Variants in MED26 observed in about 807,000 individuals in gnomAD.
MED26 encodes the protein mediator of RNA polymerase II transcription subunit 26.
A neutral mutation model predicts 43.7 loss-of-function variants in MED26; 7 were observed. The observed-to-expected ratio is 0.16, with a 90% CI of 0.09 to 0.30. The LOEUF (loss-of-function observed/expected upper bound fraction) is 0.30, where lower values mean the gene tolerates loss of function less well. Among genes scored for constraint, MED26 ranks in the 10% least tolerant of loss-of-function variants. MED26 has a pLI of 1.00. For synonymous variants in MED26, 375 were observed against 371.1 expected, an observed-to-expected ratio of 1.01 and a Z score of -0.12; for missense variants, 784 against 840.6, an observed-to-expected ratio of 0.93 and a Z score of 0.83.
At chr19:16,627,336 G>A (rs963605402) in intron 1 of MED26, among the ~76,000 whole-genome samples, 2 of 152,186 alleles carry the variant, frequency 1.3e-5, no homozygotes. Flanking sequence ...CCCGGCCAGG[G>A]GCAAAACAGA....
intron 1 of MED26, among the ~76,000 whole-genome samples, chr19:16,608,206 G>A (rs1182168901): frequency 2.0e-5 from 3 of 152,256 alleles, no homozygotes; most frequent in African/African-American, 7.2e-5. Context: ...TTTACTGAGA[G>A]AGCAAGCCCG....
At chr19:16,604,229 G>A (rs936927819) in intron 1 of MED26, among the ~76,000 whole-genome samples, 1 of 152,136 alleles carries the variant, frequency 6.6e-6, no homozygotes. Context: ...TGCCCTGTGT[G>A]CCAGAACTGA....
rs532061062 is a variant in MED26 at position 16,591,344 on chromosome 19, T to G, written c.73-12935A>C. On this transcript the variant is annotated intron_variant, in intron 1 of 2. Transcript: ENST00000263390. Reference sequence around the variant, plus strand: ...AAGGACTGAAAGATACACTTGAGAATGCACACAATGCACTCCCCATCTCAG... The same window carrying G: ...AAGGACTGAAAGATACACTTGAGAAGGCACACAATGCACTCCCCATCTCAG... Among the ~76,000 whole-genome samples, 7 of 151,618 alleles carry G rather than the reference T, an allele frequency of 4.6e-5. No homozygotes were observed. In the South Asian group the frequency reaches 1.2e-3, roughly 27 times the overall value.
intron 1 of MED26, among the ~76,000 whole-genome samples, chr19:16,590,838 G>A (rs2086092391): frequency 6.6e-6 from 1 of 152,016 alleles, no homozygotes; most frequent in South Asian, 2.1e-4. Flanking sequence ...AGGAGTTTGA[G>A]ACCAGCCTGG....
intron 1 of MED26, among the ~76,000 whole-genome samples, chr19:16,608,716 C>G (rs559599779): frequency 6.6e-6 from 1 of 152,342 alleles, no homozygotes; most frequent in African/African-American, 2.4e-5. Flanking sequence ...CTCATTCACT[C>G]ACATACTGTC....
At chr19:16,611,350 T>A (rs2086198515) in intron 1 of MED26, 1 of 152,174 alleles carries the variant, frequency 6.6e-6, no homozygotes. Flanking sequence ...ACATGACTGG[T>A]GGCCTTGACT....
chr19:16,605,970 G>A (rs913709906), intron 1 of MED26, among the ~76,000 whole-genome samples: 7 of 152,234 alleles, frequency 4.6e-5, no homozygotes, highest in African/African-American at 1.4e-4. Flanking sequence ...TGGCAAATCT[G>A]TCATCCAGAC....
At chr19:16,623,103 T>C (rs1434339992) in intron 1 of MED26, among the ~76,000 whole-genome samples, 1 of 152,130 alleles carries the variant, frequency 6.6e-6, no homozygotes, top group Non-Finnish European at 1.5e-5. Context: ...CAGGACAACA[T>C]ATTCTGAGGA....
chr19:16,597,522 T>A, intron 1 of MED26: 1 of 398,432 alleles, frequency 2.5e-6, no homozygotes, highest in Non-Finnish European at 4.4e-6. Context: ...TGGGTGAGCA[T>A]CAGGTTAAGT....
intron 1 of MED26, chr19:16,589,086 C>T (rs2086084393): frequency 6.6e-6 from 1 of 152,518 alleles, no homozygotes; most frequent in Admixed American, 6.5e-5. Flanking sequence ...CAGGGGAGGA[C>T]TACACTTGGC....
At chr19:16,579,132 C>T (rs1206897057) in intron 1 of MED26, among the ~76,000 whole-genome samples, 1 of 151,938 alleles carries the variant, frequency 6.6e-6, no homozygotes, top group East Asian at 1.9e-4. Flanking sequence ...AATGATAAAC[C>T]AGTCAATCTG....
chr19:16,588,146 T>C (rs2086079505), intron 1 of MED26: 1 of 152,228 alleles, frequency 6.6e-6, no homozygotes, highest in African/African-American at 2.4e-5. Flanking sequence ...GTAAATTGAC[T>C]CGTTGCTACG....
chr19:16,608,797 A>G (rs528344217), intron 1 of MED26, among the ~76,000 whole-genome samples: 1 of 152,344 alleles, frequency 6.6e-6, no homozygotes, highest in East Asian at 1.9e-4. Flanking sequence ...TGCAAAGATG[A>G]AAATATTTAC....
chr19:16,588,522 G>A (rs2086081494), intron 1 of MED26: 1 of 152,354 alleles, frequency 6.6e-6, no homozygotes, highest in Admixed American at 6.5e-5. Context: ...AGCTGTAGCA[G>A]GGGACCGCAC....
chr19:16,592,245 T>A (rs1448226878), intron 1 of MED26, among the ~76,000 whole-genome samples: 1 of 152,174 alleles, frequency 6.6e-6, no homozygotes, highest in Admixed American at 6.5e-5. Flanking sequence ...CTGTAAACCC[T>A]GAGGGGGTGT....
chr19:16,628,169 C>CGCT lies in MED26; in HGVS notation c.-229_-227dup, dbSNP rs974209386. On this transcript the variant is annotated 5_prime_UTR_variant, in exon 1 of 3. Coordinates refer to ENST00000263390, the MANE Select transcript of MED26 (RefSeq NM_004831.5). The stretch of plus-strand genomic sequence containing the variant: ...GAGGAGGAGCCGCCGGAGCCGCCGC[C>CGCT]GCTCGCTGCCGCCGCCTCGAGAACC... The CGCT allele has an allele frequency of 1.1e-5, 4 of 357,372 alleles. No individual in the cohort carries two copies. In the Admixed American group the frequency reaches 1.9e-4, roughly 17 times the overall value. 22.1% of individuals were successfully genotyped at this position (357,372 alleles called of 1,614,324 possible).
At chr19:16,625,554 TTC>T (rs1491588707) in intron 1 of MED26, among the ~76,000 whole-genome samples, 5 of 151,212 alleles carry the variant, frequency 3.3e-5, no homozygotes, top group African/African-American at 1.2e-4. Flanking sequence ...TTTTTTTTTT[TTC>T]ATGAGCATCT....
At chr19:16,583,778 G>A (rs2086057305) in intron 1 of MED26, among the ~76,000 whole-genome samples, 1 of 152,182 alleles carries the variant, frequency 6.6e-6, no homozygotes, top group African/African-American at 2.4e-5. Context: ...CATGAGGCAT[G>A]ATCAGGTACA....
intron 1 of MED26, among the ~76,000 whole-genome samples, chr19:16,593,570 C>A (rs1409856563): frequency 6.6e-6 from 1 of 152,208 alleles, no homozygotes; most frequent in African/African-American, 2.4e-5. Context: ...GATGAAGTCC[C>A]TCATCCACGG....
Sources: allele counts gnomAD v4.1 joint callset (sites outside exome capture counted in the v4.1 genomes callset), GRCh38; gene constraint gnomAD v4.1.1; transcripts MANE v1.5; gene names NCBI Gene and HGNC (gene_info 2026-07-23, HGNC 2026-07-21).